PTGER3: variants seen among roughly 807,000 people sequenced by gnomAD.
The protein encoded by PTGER3 is prostaglandin E2 receptor EP3 subtype.
In PTGER3, 22 loss-of-function variants were observed where a neutral mutation model predicts 34.7. The observed-to-expected ratio is 0.63, with a 90% CI of 0.45 to 0.91. The LOEUF is 0.91. Among genes scored for constraint, PTGER3 ranks in the 40% least tolerant of loss-of-function variants. PTGER3 has a pLI of 0.00. For synonymous variants in PTGER3, 241 were observed against 230.1 expected, an observed-to-expected ratio of 1.05 and a Z score of -0.43; for missense variants, 468 against 519.4, an observed-to-expected ratio of 0.90 and a Z score of 0.96.
At chr1:70,972,422 G>A (rs1469895342) in intron 3 of PTGER3, among the ~76,000 whole-genome samples, 1 of 152,076 alleles carries the variant, frequency 6.6e-6, no homozygotes, top group African/African-American at 2.4e-5. Context: ...ACACACGGTT[G>A]ATGAAATTTT....
chr1:70,880,969 A>T (rs1044835595), intron 4 of PTGER3, among the ~76,000 whole-genome samples: 2 of 152,018 alleles, frequency 1.3e-5, no homozygotes, highest in Non-Finnish European at 2.9e-5. Context: ...AGATTGGGAA[A>T]ATTTTTATGG....
intron 4 of PTGER3, among the ~76,000 whole-genome samples, chr1:70,938,407 T>G (rs1396283723): frequency 6.6e-6 from 1 of 152,186 alleles, no homozygotes. Flanking sequence ...GAAAAAGAAT[T>G]TAAATATTTT....
Position 70,971,068 on chromosome 1 carries a change from A to C in PTGER3, c.*662T>G, listed in dbSNP as rs1050296834. 6 of 985,372 alleles carry C rather than the reference A, an allele frequency of 6.1e-6. No individual in the cohort carries two copies. In the East Asian group the frequency reaches 3.4e-4, roughly 56 times the overall value. The allele number at this position is 985,372 out of a possible 1,614,324, so 61.0% of individuals were successfully genotyped here. ...TTAGCTGCATCACTCCTTTGTCATC[A>C]AAAGCTTAGAAATAACAATTAAGCA... On this transcript the variant is annotated 3_prime_UTR_variant, in exon 4 of 4. Transcript: ENST00000306666.
At chr1:70,910,264 C>T (rs1209974726) in intron 4 of PTGER3, among the ~76,000 whole-genome samples, 1 of 152,170 alleles carries the variant, frequency 6.6e-6, no homozygotes, top group African/African-American at 2.4e-5. Flanking sequence ...CCAAGTGACA[C>T]CCAGTTTCTG....
intron 1 of PTGER3, among the ~76,000 whole-genome samples, chr1:71,036,606 C>T (rs1041004463): frequency 2.6e-5 from 4 of 151,976 alleles, no homozygotes; most frequent in Non-Finnish European, 5.9e-5. Flanking sequence ...TTTGGGAGGC[C>T]GAGGTGGGCG....
chr1:70,937,195 G>A (rs1649304842), intron 4 of PTGER3, among the ~76,000 whole-genome samples: 1 of 152,206 alleles, frequency 6.6e-6, no homozygotes, highest in East Asian at 1.9e-4. Flanking sequence ...TTGGGTGAGG[G>A]AGGGATAACA....
intron 1 of PTGER3, among the ~76,000 whole-genome samples, chr1:71,030,181 AG>A (rs1237549802): frequency 6.6e-6 from 1 of 152,042 alleles, no homozygotes; most frequent in Non-Finnish European, 1.5e-5. Context: ...GCCAAATCCA[AG>A]ATCTTGAGGA....
intron 1 of PTGER3, among the ~76,000 whole-genome samples, chr1:71,032,193 T>C (rs1557760584): frequency 6.6e-6 from 1 of 152,212 alleles, no homozygotes; most frequent in South Asian, 2.1e-4. Context: ...CACTATGGTG[T>C]TAATGGAGTA....
intron 1 of PTGER3, among the ~76,000 whole-genome samples, chr1:71,022,272 G>A (rs1044459313): frequency 6.6e-6 from 1 of 151,740 alleles, no homozygotes; most frequent in African/African-American, 2.4e-5. Context: ...GAATTCTTAA[G>A]AGGTCAATGT....
chr1:71,006,685 T>C (rs1357991023), intron 2 of PTGER3: 1 of 984,448 alleles, frequency 1.0e-6, no homozygotes, highest in Non-Finnish European at 1.2e-6. Flanking sequence ...ATGCACATGA[T>C]TATGGAATAT....
chr1:70,889,084 C>T (rs1324455877), intron 4 of PTGER3, among the ~76,000 whole-genome samples: 1 of 152,138 alleles, frequency 6.6e-6, no homozygotes, highest in Non-Finnish European at 1.5e-5. Flanking sequence ...TATATGCTAA[C>T]TTGCTCTTTA....
intron 1 of PTGER3, among the ~76,000 whole-genome samples, chr1:71,020,211 T>C (rs1304133191): frequency 6.6e-6 from 1 of 152,130 alleles, no homozygotes; most frequent in Admixed American, 6.6e-5. Context: ...TTTCAAAAGC[T>C]TTCCCTGCCT....
chr1:70,900,398 C>T (rs1646810554), intron 4 of PTGER3, among the ~76,000 whole-genome samples: 1 of 152,078 alleles, frequency 6.6e-6, no homozygotes, highest in Non-Finnish European at 1.5e-5. Context: ...GTGTCAGCCT[C>T]TTTTACATGC....
intron 1 of PTGER3, among the ~76,000 whole-genome samples, chr1:71,030,641 C>T (rs1659326967): frequency 6.6e-6 from 1 of 152,132 alleles, no homozygotes; most frequent in Non-Finnish European, 1.5e-5. Context: ...CCTAAATTGC[C>T]GGTATCGTGG....
At chr1:70,969,647 G>A (rs892879001), downstream of PTGER3, among the ~76,000 whole-genome samples, 1 of 152,170 alleles carries the variant, frequency 6.6e-6, no homozygotes, top group African/African-American at 2.4e-5. Context: ...CTAAGGACAA[G>A]GTGAGATCTG....
At chr1:70,963,208 C>T (rs1244158235) in intron 2 of PTGER3, among the ~76,000 whole-genome samples, 1 of 152,190 alleles carries the variant, frequency 6.6e-6, no homozygotes, top group Non-Finnish European at 1.5e-5. Context: ...TTGCAGGGTA[C>T]ATCCCCTCTC....
chr1:70,975,720 A>ATACC (rs1218727103), intron 2 of PTGER3, among the ~76,000 whole-genome samples: 2 of 152,210 alleles, frequency 1.3e-5, no homozygotes, highest in African/African-American at 4.8e-5. Context: ...ACTTTGACCA[A>ATACC]TACCTATTCC....
intron 4 of PTGER3, among the ~76,000 whole-genome samples, chr1:70,874,464 T>C (rs934755742): frequency 6.6e-6 from 1 of 152,224 alleles, no homozygotes; most frequent in African/African-American, 2.4e-5. Context: ...TTAAAAGTTA[T>C]ATACATTTTT....
chr1:71,019,905 G>A (rs1658245626), intron 1 of PTGER3, among the ~76,000 whole-genome samples: 1 of 152,136 alleles, frequency 6.6e-6, no homozygotes, highest in African/African-American at 2.4e-5. Context: ...AAGTGTTTAA[G>A]AGAAGTTTCC....
Sources: allele counts gnomAD v4.1 joint callset (sites outside exome capture counted in the v4.1 genomes callset), GRCh38; gene constraint gnomAD v4.1.1; transcripts MANE v1.5; gene names NCBI Gene and HGNC (gene_info 2026-07-23, HGNC 2026-07-21).